The following URGCP variants were observed in gnomAD, a reference collection of about 807,000 sequenced individuals.
The protein encoded by URGCP is upregulator of cell proliferation, also known as up-regulator of cell proliferation.
URGCP carries 13 observed loss-of-function variants against 24.6 expected under a neutral mutation model. That is an observed-to-expected ratio of 0.53 (90% CI 0.34 to 0.84). The LOEUF (loss-of-function observed/expected upper bound fraction) is 0.84. Ranked by LOEUF, URGCP falls within the 40% of genes least tolerant of loss-of-function variation. The pLI is 0.01. For synonymous variants in URGCP, 444 were observed against 487.2 expected, an observed-to-expected ratio of 0.91 and a Z score of 1.17; for missense variants, 899 against 1,194.3, an observed-to-expected ratio of 0.75 and a Z score of 3.64.
intron 1 of URGCP, among the ~76,000 whole-genome samples, chr7:43,901,035 T>G (rs1341994274): frequency 6.6e-6 from 1 of 152,228 alleles, no homozygotes; most frequent in African/African-American, 2.4e-5. Context: ...CATTTTATCT[T>G]AAACTGCTTA....
chr7:43,881,784 C>T, intron 4 of URGCP, 87 bp from the exon 5 acceptor site: 1 of 1,609,398 alleles, frequency 6.2e-7, no homozygotes, highest in Non-Finnish European at 8.5e-7. Context: ...ACCTAGAACC[C>T]TTCTTTCTCA....
intron 1 of URGCP, among the ~76,000 whole-genome samples, chr7:43,901,450 A>T (rs2132703701): frequency 6.6e-6 from 1 of 152,296 alleles, no homozygotes; most frequent in South Asian, 2.1e-4. Context: ...AGCGTAGGGA[A>T]CACTCTGGGT....
intron 1 of URGCP, among the ~76,000 whole-genome samples, chr7:43,917,962 A>AAAAAC (rs796272291): frequency 6.6e-6 from 1 of 152,048 alleles, no homozygotes; most frequent in African/African-American, 2.4e-5. Flanking sequence ...GACCGTCTCA[A>AAAAAC]AAAACAAAAC....
rs114000088 is a variant in URGCP at position 43,887,536 on chromosome 7, T to A, written c.42-51A>T. On this transcript the variant is annotated intron_variant, in intron 2 of 5. Coordinates refer to ENST00000453200, the MANE Select transcript of URGCP (RefSeq NM_001077663.3). ...TAATTAAAAAAATGGAATACCACTT[T>A]CACCTATCAAACTGGCCGCATATAA... 9,007 of 1,598,084 alleles carry A rather than the reference T, an allele frequency of 5.6e-3. 462 individuals are homozygous for A. In the African/African-American group the frequency reaches 0.1, roughly 19 times the overall value.
Position 43,877,964 on chromosome 7 carries a change from G to A in URGCP, c.1499C>T (p.Pro500Leu), listed in dbSNP as rs2095847824. The A allele has an allele frequency of 6.2e-7, 1 of 1,614,168 alleles. No individual in the cohort carries two copies. Reference sequence around the variant, plus strand: ...CTCCACTTGGGCTGCCTTTCTCCAGGGGTCCCCCTGCAGCCTCAGCTCGTC... The same window carrying A: ...CTCCACTTGGGCTGCCTTTCTCCAGAGGTCCCCCTGCAGCCTCAGCTCGTC... Reference protein sequence around the residue: ...RRDELRLQGDPWRKAAQVEKE... With the variant: ...RRDELRLQGDLWRKAAQVEKE... The change falls in exon 6 of 6, where the codon CCC (proline) becomes CTC (leucine). Residue 500 changes from proline to leucine, a missense_variant. Coordinates refer to ENST00000453200, the MANE Select transcript of URGCP (RefSeq NM_001077663.3).
intron 3 of URGCP, among the ~76,000 whole-genome samples, chr7:43,886,740 C>T (rs559140927): frequency 5.3e-5 from 8 of 151,156 alleles, no homozygotes; most frequent in South Asian, 4.2e-4. Context: ...GCAATAAAGG[C>T]GAAACTTGGT....
chr7:43,904,692 T>C (rs987807207), intron 1 of URGCP, among the ~76,000 whole-genome samples: 3 of 152,216 alleles, frequency 2.0e-5, no homozygotes, highest in African/African-American at 4.8e-5. Flanking sequence ...CATGAGTCAC[T>C]TAACAACAGG....
Position 43,887,822 on chromosome 7 carries a change from GA to G in URGCP, c.15-7del. On this transcript the variant is annotated splice_region_variant and splice_polypyrimidine_tract_variant and intron_variant, in intron 1 of 5. Coordinates refer to ENST00000453200, the MANE Select transcript of URGCP (RefSeq NM_001077663.3). The stretch of plus-strand genomic sequence containing the variant: ...CCAGTAATTCCACTTCTATCCTAAG[GA>G]AATAATTAAGATTTAGTTACAAAGA... 1 of 1,510,750 alleles carries G rather than the reference GA, an allele frequency of 6.6e-7. No individual in the cohort carries two copies. The highest frequency in any genetic ancestry group is 9.0e-7 in the Non-Finnish European group (1 of 1,112,358). The allele number at this position is 1,510,750 out of a possible 1,614,324, so 93.6% of individuals were successfully genotyped here.
intron 1 of URGCP, among the ~76,000 whole-genome samples, chr7:43,917,091 G>A (rs2095916404): frequency 6.6e-6 from 1 of 152,128 alleles, no homozygotes; most frequent in Non-Finnish European, 1.5e-5. Context: ...TAAACTGGTT[G>A]GCTTGGGATT....
At chr7:43,907,412 C>A (rs978361521), upstream of URGCP, among the ~76,000 whole-genome samples, 1 of 152,084 alleles carries the variant, frequency 6.6e-6, no homozygotes, top group African/African-American at 2.4e-5. Flanking sequence ...GCAGGAGGAT[C>A]GATTGAGCCC....
At chr7:43,906,162 C>T (rs2730624) in intron 1 of URGCP, 108,953 of 151,876 alleles carry the variant, frequency 0.72, 39,396 homozygotes, top group African/African-American at 0.82. Context: ...GGCGCCGGAG[C>T]GAAGCATTTC....
intron 1 of URGCP, 69 bp downstream of exon 1, chr7:43,906,493 C>T (rs2095903264): frequency 2.6e-6 from 3 of 1,151,550 alleles, no homozygotes; most frequent in Non-Finnish European, 3.2e-6. Flanking sequence ...CAGGCCAGAG[C>T]CGCTCCGGGT....
rs1452737430 is a variant in URGCP at position 43,879,083 on chromosome 7, G to A, written c.380C>T (p.Ala127Val). 1 of 1,614,230 alleles carries A rather than the reference G, an allele frequency of 6.2e-7. No homozygotes were observed. Among genetic ancestry groups the A allele is most frequent in the East Asian group, 2.2e-5 (1 of 44,872 alleles). Residue 127 changes from alanine to valine, a missense_variant, in exon 6 of 6, where the codon GCT becomes GTT. Ala to Val is a moderately conservative substitution (Grantham distance 64). Coordinates refer to ENST00000453200, the MANE Select transcript of URGCP (RefSeq NM_001077663.3). ...CACCATAGTGGTATTCCTGGCATCAGCATTGAGGGCCTGCAACTTCCTGAG... is the reference window on the plus strand; with the variant it reads ...CACCATAGTGGTATTCCTGGCATCAACATTGAGGGCCTGCAACTTCCTGAG... Reference protein sequence around the residue: ...NFLRKLQALNADARNTTMVLD... With the variant: ...NFLRKLQALNVDARNTTMVLD...
chr7:43,877,800 T>C lies in URGCP; in HGVS notation c.1663A>G (p.Ile555Val). ...TTCTCACTCAAGGAGGGGCTGCTGA[T>C]CCCCGAGATGAACTCCTGCACCCCC... ...SSGVQEFISGISSPSLSEKQY... is the reference protein window; with the variant it reads ...SSGVQEFISGVSSPSLSEKQY... The change falls in exon 6 of 6, where the codon ATC becomes GTC. Residue 555 changes from isoleucine (I) to valine (V), a missense_variant. Physicochemically the swap from Ile to Val is conservative, Grantham distance 29. Coordinates refer to ENST00000453200, the MANE Select transcript of URGCP (RefSeq NM_001077663.3). 6.2e-7 allele frequency: 1 copy of C among 1,603,460 alleles called. No homozygotes were observed. The highest frequency in any genetic ancestry group is 8.5e-7 in the Non-Finnish European group (1 of 1,174,628).
At position 43,878,215 on chromosome 7, in the gene URGCP, C is replaced by T. The variant is rs767099944; in HGVS notation, c.1248G>A (p.Leu416=). ...CGCTGTCAGTGCTGCTGACCTTTAC[C>T]AGGACATGTGAGTGGTCTATTTTCA... ...PVLKIDHSHV[L]VKVSSTDSDS... Residue 416 remains leucine, a synonymous_variant, in exon 6 of 6, where the codon CTG becomes CTA. Coordinates refer to ENST00000453200, the MANE Select transcript of URGCP (RefSeq NM_001077663.3). The surrounding 1 kb of genome is among the most constrained non-coding windows in gnomAD (Gnocchi z 5.6). 4 of 1,614,094 alleles carry T rather than the reference C, an allele frequency of 2.5e-6. No individual in the cohort carries two copies. In the African/African-American group the frequency reaches 4.0e-5, roughly 16 times the overall value.
intron 1 of URGCP, among the ~76,000 whole-genome samples, chr7:43,914,431 G>A (rs2132725721): frequency 6.6e-6 from 1 of 152,262 alleles, no homozygotes; most frequent in East Asian, 1.9e-4. Flanking sequence ...CTTGAGCCTG[G>A]GAGATGGAGG....
chr7:43,925,890 C>T (rs967638633), intron 1 of URGCP, among the ~76,000 whole-genome samples: 1 of 146,212 alleles, frequency 6.8e-6, no homozygotes, highest in African/African-American at 2.5e-5. Flanking sequence ...TTGAACAACT[C>T]TGACCTAGAC....
At chr7:43,903,060 G>C (rs2095894262) in intron 1 of URGCP, among the ~76,000 whole-genome samples, 1 of 151,254 alleles carries the variant, frequency 6.6e-6, no homozygotes, top group Non-Finnish European at 1.5e-5. Flanking sequence ...GAGACAGGAG[G>C]ATGGCTTGAG....
upstream of URGCP, among the ~76,000 whole-genome samples, chr7:43,907,956 T>G (rs539149751): frequency 6.6e-6 from 1 of 152,162 alleles, no homozygotes; most frequent in African/African-American, 2.4e-5. Context: ...CGCGAACTTG[T>G]GACACCCAAA....
Sources: allele counts gnomAD v4.1 joint callset (sites outside exome capture counted in the v4.1 genomes callset), GRCh38; gene constraint gnomAD v4.1.1; non-coding constraint Gnocchi (gnomAD v3.1); transcripts MANE v1.5; gene names NCBI Gene and HGNC (gene_info 2026-07-23, HGNC 2026-07-21).